SAMD7: variants seen among roughly 807,000 people sequenced by gnomAD.
SAMD7 encodes the protein sterile alpha motif domain-containing protein 7.
In SAMD7, 34 loss-of-function variants were observed where a neutral mutation model predicts 36.7. The ratio of observed to expected loss-of-function variants is 0.93; its 90% confidence interval spans 0.71 to 1.23. The LOEUF is 1.23. SAMD7 is among the 50% of genes most tolerant of loss of function. The pLI is 0.00. For missense variants in SAMD7, 570 were observed against 546.6 expected (o/e 1.04, Z -0.43); for synonymous variants, 188 against 189.7 (o/e 0.99, Z 0.07).
At chr3:169,929,183 T>C (rs1455913952) in intron 7 of SAMD7, among the ~76,000 whole-genome samples, 3 of 152,224 alleles carry the variant, frequency 2.0e-5, no homozygotes, top group South Asian at 4.1e-4. Flanking sequence ...CTCACTAGTA[T>C]TGAAAAATTT....
At chr3:169,917,997 G>A (rs1338156484) in intron 2 of SAMD7, among the ~76,000 whole-genome samples, 1 of 151,658 alleles carries the variant, frequency 6.6e-6, no homozygotes, top group African/African-American at 2.4e-5. Flanking sequence ...GGGTGCAGTG[G>A]CGCCATCTCA....
rs1172615358 is a variant in SAMD7 at position 169,919,566 on chromosome 3, G to A, written c.68G>A (p.Gly23Glu). ...ATCCCACTGATCCCCTCACCATTTG[G>A]GCCTCCAACTGTGGACAGGTATTTC... is the stretch of plus-strand genomic sequence containing the variant. ...QTIPLIPSPF[G>E]PPTVDRDVLP... The change falls in exon 3 of 9, where the codon GGG (glycine) becomes GAG (glutamate). Residue 23 changes from glycine (G) to glutamate (E), a missense_variant. Physicochemically the swap from Gly to Glu is moderately conservative, Grantham distance 98. Transcript: ENST00000335556. 1 of 1,613,404 alleles carries A rather than the reference G, an allele frequency of 6.2e-7. No homozygotes were observed. Among genetic ancestry groups the A allele is most frequent in the Non-Finnish European group, 8.5e-7 (1 of 1,179,406 alleles).
chr3:169,927,333 C>T (rs1426908464), intron 6 of SAMD7, 152 bp downstream of exon 6: 11 of 598,560 alleles, frequency 1.8e-5, no homozygotes, highest in Admixed American at 4.9e-5. Context: ...CCCGCTCAGT[C>T]GCCCAGGCTG....
chr3:169,914,274 A>G (rs79805129), intron 1 of SAMD7, among the ~76,000 whole-genome samples: 9,657 of 152,302 alleles, frequency 0.063, 418 homozygotes, highest in East Asian at 0.13. Flanking sequence ...TCTGAAAAAT[A>G]AAAGTTAAAA....
chr3:169,912,673 A>G (rs1712650066), intron 1 of SAMD7, among the ~76,000 whole-genome samples: 1 of 152,232 alleles, frequency 6.6e-6, no homozygotes, highest in African/African-American at 2.4e-5. Flanking sequence ...ATGAGCTTCC[A>G]GAGTAAAAAG....
chr3:169,911,977 C>T (rs1407812357), intron 1 of SAMD7, among the ~76,000 whole-genome samples, 156 bp downstream of exon 1: 1 of 152,142 alleles, frequency 6.6e-6, no homozygotes. Context: ...AGTATGTGAG[C>T]TAATAAATTC....
At chr3:169,926,376 A>G in intron 5 of SAMD7, 177 bp from the exon 6 acceptor site, 2 of 1,195,786 alleles carry the variant, frequency 1.7e-6, no homozygotes, top group Non-Finnish European at 2.3e-6. Context: ...ACTCAGACAA[A>G]GCTTCAGATC....
chr3:169,926,271 A>G (rs1161349455), intron 5 of SAMD7: 1 of 1,370,176 alleles, frequency 7.3e-7, no homozygotes, highest in Non-Finnish European at 9.6e-7. Flanking sequence ...CTGGCAAGGA[A>G]CTAGCTGTGC....
chr3:169,938,570 A>T lies in SAMD7; in HGVS notation c.*64A>T, dbSNP rs1191070464. 1.2e-5 allele frequency: 12 copies of T among 1,020,580 alleles called. No individual in the cohort carries two copies. Among genetic ancestry groups the T allele is most frequent in the Non-Finnish European group, 1.3e-5 (9 of 690,684 alleles). The allele number at this position is 1,020,580 out of a possible 1,614,324, so 63.2% of individuals were successfully genotyped here. A position where few individuals can be genotyped will look rare whatever the true frequency, so the allele number is the denominator to read the frequency against. On this transcript the variant is annotated 3_prime_UTR_variant, in exon 9 of 9. Transcript: ENST00000335556. ...CAAAGAGCCTAGGATATTACAAAGG[A>T]TGTGTGAGGATTTCCCAGTACTGGA...
Position 169,926,760 on chromosome 3 carries a change from A to G in SAMD7, c.498A>G (p.Leu166=), listed in dbSNP as rs1377986137. 5.0e-6 allele frequency: 8 copies of G among 1,613,958 alleles called. No homozygotes were observed. The East Asian group carries it at 1.6e-4, about 31-fold the overall frequency. The change falls in exon 6 of 9, where the codon CTA becomes CTG. Residue 166 remains leucine, a synonymous_variant. Coordinates refer to ENST00000335556, the MANE Select transcript of SAMD7 (RefSeq NM_001304366.2). The part of the protein sequence containing the change: ...TLRNLQGNPM[L]AATAPHFEES... ...GAAACCTTCAGGGAAACCCCATGCT[A>G]GCGGCAACTGCACCACACTTTGAGG...
At chr3:169,917,649 A>ATTTC (rs1303469563) in intron 2 of SAMD7, among the ~76,000 whole-genome samples, 1 of 151,096 alleles carries the variant, frequency 6.6e-6, no homozygotes, top group Non-Finnish European at 1.5e-5. Flanking sequence ...TTATTTATTT[A>ATTTC]TTTATTTTTT....
At chr3:169,917,523 T>C (rs1712858494) in intron 2 of SAMD7, among the ~76,000 whole-genome samples, 1 of 152,144 alleles carries the variant, frequency 6.6e-6, no homozygotes, top group Non-Finnish European at 1.5e-5. Context: ...TGCATAATAA[T>C]CACATCAGGG....
chr3:169,930,707 G>A (rs377251973), intron 7 of SAMD7, among the ~76,000 whole-genome samples: 24 of 149,626 alleles, frequency 1.6e-4, no homozygotes, highest in South Asian at 8.5e-4. Flanking sequence ...TCAGCCTCCC[G>A]AGTAGCTGGG....
intron 1 of SAMD7, among the ~76,000 whole-genome samples, chr3:169,914,595 A>G (rs1164162384): frequency 1.3e-5 from 2 of 151,704 alleles, no homozygotes; most frequent in Admixed American, 6.6e-5. Flanking sequence ...ACAATGAACC[A>G]CTCCCCTGGC....
Position 169,925,056 on chromosome 3 carries a change from A to G in SAMD7, c.212-2A>G. 2 of 1,596,190 alleles carry G rather than the reference A, an allele frequency of 1.3e-6. No individual in the cohort carries two copies. The highest frequency in any genetic ancestry group is 1.7e-6 in the Non-Finnish European group (2 of 1,170,708). The stretch of plus-strand genomic sequence containing the variant: ...GGTGGGATGGTGGTTTTCTTTTTTA[A>G]GGTTGGGGCATTTTACCACCTGAAT... On this transcript the variant is annotated splice_acceptor_variant, in intron 4 of 8. Coordinates refer to ENST00000335556, the MANE Select transcript of SAMD7 (RefSeq NM_001304366.2). LOFTEE classifies it high-confidence loss of function.
intron 8 of SAMD7, among the ~76,000 whole-genome samples, chr3:169,937,218 A>C (rs942992089): frequency 1.3e-5 from 2 of 151,746 alleles, no homozygotes; most frequent in African/African-American, 4.8e-5. Flanking sequence ...AGGCACCATC[A>C]TCTCTCATTG....
chr3:169,919,947 G>T (rs1039362436), intron 3 of SAMD7, among the ~76,000 whole-genome samples: 7 of 152,196 alleles, frequency 4.6e-5, no homozygotes, highest in African/African-American at 1.7e-4. Flanking sequence ...GGCCAAGGTG[G>T]GCAGATCACA....
rs568938406 is a variant in SAMD7 at position 169,935,471 on chromosome 3, T to G, written c.1042-868T>G. 3.9e-5 allele frequency among the ~76,000 whole-genome samples: 6 copies of G among 151,956 alleles called. No homozygotes were observed. In the South Asian group the frequency reaches 1.3e-3, roughly 32 times the overall value. ...GTTCATTGGTCAGAATTAGAGGGAG[T>G]TCTTATCTACTGGTTTTTGTTTTCT... On this transcript the variant is annotated intron_variant, in intron 7 of 8. Transcript: ENST00000335556.
In SAMD7 at chr3:169,938,445, T is replaced by C. The variant is rs1713802344; in HGVS notation, c.1280T>C (p.Ile427Thr). Residue 427 changes from isoleucine (I) to threonine (T), a missense_variant, in exon 9 of 9, where the codon ATT becomes ACT. Transcript: ENST00000335556. Reference protein sequence around the residue: ...DPNSWSDTMNIFCPQDTIIPK... With the variant: ...DPNSWSDTMNTFCPQDTIIPK... ...AATTCCTGGAGTGATACAATGAACA[T>C]TTTTTGTCCCCAGGATACAATAATT... 6.2e-7 allele frequency: 1 copy of C among 1,612,738 alleles called. No individual in the cohort carries two copies. Among genetic ancestry groups the C allele is most frequent in the Non-Finnish European group, 8.5e-7 (1 of 1,178,738 alleles).
Sources: gnomAD v4.1 joint callset for allele counts (sites outside exome capture counted in the v4.1 genomes callset) on GRCh38, gnomAD v4.1.1 for gene constraint, MANE v1.5 for transcripts, NCBI Gene and HGNC (gene_info 2026-07-23, HGNC 2026-07-21) for gene names.